Variants in CHERP observed in about 807,000 individuals in gnomAD.
CHERP encodes the protein ERPROT 213-21.
CHERP carries 8 observed loss-of-function variants against 113.8 expected under a neutral mutation model. The observed-to-expected ratio is 0.07, with a 90% CI of 0.04 to 0.13. The LOEUF (loss-of-function observed/expected upper bound fraction) is 0.13. CHERP is among the 10% of genes least tolerant of loss of function. The pLI is 1.00. For missense variants in CHERP, 884 were observed against 1,298.2 expected, an observed-to-expected ratio of 0.68 and a Z score of 4.90; for synonymous variants, 559 against 524.5, an observed-to-expected ratio of 1.07 and a Z score of -0.90.
chr19:16,524,386 C>T (rs1188291341), intron 10 of CHERP, among the ~76,000 whole-genome samples: 1 of 152,100 alleles, frequency 6.6e-6, no homozygotes, highest in Non-Finnish European at 1.5e-5. Context: ...GAAACCCTGT[C>T]TCTACTAAAG....
intron 3 of CHERP, among the ~76,000 whole-genome samples, chr19:16,533,797 A>G (rs1420465543): frequency 6.8e-6 from 1 of 146,036 alleles, no homozygotes; most frequent in Non-Finnish European, 1.5e-5. Context: ...ACAACAACAA[A>G]AAGAAAAGAA....
At chr19:16,536,759 A>G (rs2122283895) in intron 2 of CHERP, among the ~76,000 whole-genome samples, 1 of 152,330 alleles carries the variant, frequency 6.6e-6, no homozygotes, top group East Asian at 1.9e-4. Context: ...GCTCACGCCT[A>G]TAATCCCAGC....
rs368216975 is a variant in CHERP at position 16,523,245 on chromosome 19, G to A, written c.1787C>T (p.Pro596Leu). The A allele has an allele frequency of 1.2e-6, 2 of 1,601,774 alleles. No individual in the cohort carries two copies. The highest frequency in any genetic ancestry group is 1.7e-5 in the Admixed American group (1 of 57,294). Reference sequence around the variant, plus strand: ...CCAAGGCGGGTGCTCGTTGATGCCAGGATGAGGCATGCGGTGGCCAGGGTG... The same window carrying A: ...CCAAGGCGGGTGCTCGTTGATGCCAAGATGAGGCATGCGGTGGCCAGGGTG... ...HHHPGHRMPH[P>L]GINEHPPWAG... The change falls in exon 11 of 17, where the codon CCT (proline) becomes CTT (leucine). Residue 596 changes from proline (P) to leucine (L), a missense_variant. Transcript: ENST00000546361. This position sits in a 1 kb window ranked among gnomAD's most constrained non-coding sequence, Gnocchi z 4.0.
In CHERP at chr19:16,520,274, A is replaced by AT; in HGVS notation, c.2346-10_2346-9insA. On this transcript the variant is annotated splice_polypyrimidine_tract_variant and intron_variant, in intron 14 of 16. Coordinates refer to ENST00000546361, the MANE Select transcript of CHERP (RefSeq NM_006387.6). The surrounding 1 kb of genome is among the most constrained non-coding windows in gnomAD (Gnocchi z 4.0). ...GCGACCTGCTCCGACTTCTGCAGGG[A>AT]AGGGTGCCCAAGGGTCAGCAGCAGC... is the stretch of plus-strand genomic sequence containing the variant. 4 of 1,612,810 alleles carry AT rather than the reference A, an allele frequency of 2.5e-6. No homozygotes were observed. The highest frequency in any genetic ancestry group is 3.4e-6 in the Non-Finnish European group (4 of 1,179,752).
In CHERP at chr19:16,528,270, C is replaced by T. The variant is rs758013344; in HGVS notation, c.1130-15G>A. 1 of 1,556,496 alleles carries T rather than the reference C, an allele frequency of 6.4e-7. No homozygotes were observed. Among genetic ancestry groups the T allele is most frequent in the Non-Finnish European group, 8.7e-7 (1 of 1,152,872 alleles). On this transcript the variant is annotated splice_polypyrimidine_tract_variant and intron_variant, in intron 8 of 16. Coordinates refer to ENST00000546361, the MANE Select transcript of CHERP (RefSeq NM_006387.6). Reference sequence around the variant, plus strand: ...CTTGCTGTCATCTAAATCCAAGTGACAGGCAGTTAGAGCAGGCCTGGCAGC... The same window carrying T: ...CTTGCTGTCATCTAAATCCAAGTGATAGGCAGTTAGAGCAGGCCTGGCAGC...
intron 11 of CHERP, among the ~76,000 whole-genome samples, chr19:16,522,098 C>T (rs2122246172): frequency 6.6e-6 from 1 of 152,254 alleles, no homozygotes; most frequent in South Asian, 2.1e-4. Context: ...CTGTTGAGGC[C>T]CTGCCCTGCC....
chr19:16,518,727 G>T lies in CHERP; in HGVS notation c.*432C>A. On this transcript the variant is annotated 3_prime_UTR_variant, in exon 17 of 17. Transcript: ENST00000546361. ...AAGCCAGGTCAGGGCCGGTGGGTGC[G>T]GGGAGCTGGAGGAAGGAGCTGGGGT... 1 of 204,478 alleles carries T rather than the reference G, an allele frequency of 4.9e-6. No homozygotes were observed. Among genetic ancestry groups the T allele is most frequent in the Non-Finnish European group, 9.8e-6 (1 of 102,552 alleles). The allele number at this position is 204,478 out of a possible 1,614,324, so 12.7% of individuals were successfully genotyped here.
chr19:16,528,339 G>C, intron 8 of CHERP, 84 bp from the exon 9 acceptor site: 2 of 1,372,480 alleles, frequency 1.5e-6, no homozygotes, highest in Non-Finnish European at 9.9e-7. Flanking sequence ...AGCAAACCAG[G>C]CTACCGCTTT....
rs547123748 is a variant in CHERP, at chr19:16,541,656, G to T, written c.199+214C>A. The T allele has an allele frequency of 2.2e-4, 112 of 509,244 alleles. 1 individual carries two copies. The highest frequency in any genetic ancestry group is 1.5e-3 in the Admixed American group (41 of 26,876). 31.5% of individuals were successfully genotyped at this position (509,244 alleles called of 1,614,324 possible). ...AATCCCTGATCCAGAGCCCAGGGGG[G>T]AGGATCGAAAACCTCGTTGTTCTCC... On this transcript the variant is annotated intron_variant, in intron 2 of 16. Coordinates refer to ENST00000546361, the MANE Select transcript of CHERP (RefSeq NM_006387.6).
At position 16,520,526 on chromosome 19, in the gene CHERP, T is replaced by A. The variant is rs745692744; in HGVS notation, c.2202-19A>T. 3.1e-5 allele frequency: 50 copies of A among 1,604,446 alleles called. No individual in the cohort carries two copies. The highest frequency in any genetic ancestry group is 4.1e-5 in the Non-Finnish European group (48 of 1,174,918). Reference sequence around the variant, plus strand: ...GGGTCCGCTGTGGGGAGAGGCCTGATGATCAGGTGCCCCAGTGGATGGGCT... The same window carrying A: ...GGGTCCGCTGTGGGGAGAGGCCTGAAGATCAGGTGCCCCAGTGGATGGGCT... On this transcript the variant is annotated intron_variant, in intron 13 of 16. Coordinates refer to ENST00000546361, the MANE Select transcript of CHERP (RefSeq NM_006387.6). The surrounding 1 kb of genome is among the most constrained non-coding windows in gnomAD (Gnocchi z 4.0).
chr19:16,532,586 G>C lies in CHERP; in HGVS notation c.674+12C>G. Reference sequence around the variant, plus strand: ...GGAAGTGGCGCTCTGGGCACGGGGTGGCGGCGCTCACCAGTGGTGCAGCAC... The same window carrying C: ...GGAAGTGGCGCTCTGGGCACGGGGTCGCGGCGCTCACCAGTGGTGCAGCAC... On this transcript the variant is annotated intron_variant, in intron 5 of 16. Transcript: ENST00000546361. This position sits in a 1 kb window ranked among gnomAD's most constrained non-coding sequence, Gnocchi z 4.4. 1 of 1,587,894 alleles carries C rather than the reference G, an allele frequency of 6.3e-7. No individual in the cohort carries two copies. The highest frequency in any genetic ancestry group is 8.6e-7 in the Non-Finnish European group (1 of 1,167,182).
Position 16,519,658 on chromosome 19 carries a change from T to C in CHERP, c.2520A>G (p.Gly840=). 1 of 1,614,040 alleles carries C rather than the reference T, an allele frequency of 6.2e-7. No individual in the cohort carries two copies. The highest frequency in any genetic ancestry group is 8.5e-7 in the Non-Finnish European group (1 of 1,180,006). ...SAPPIPDSRL[G]EENKGHQMLV... ...GCATCTGATGGCCTTTGTTCTCTTC[T>C]CCGAGCCTTGAGTCAGGGATGGGAG... The change falls in exon 16 of 17, where the codon GGA becomes GGG. Residue 840 remains glycine, a synonymous_variant. Coordinates refer to ENST00000546361, the MANE Select transcript of CHERP (RefSeq NM_006387.6). This position sits in a 1 kb window ranked among gnomAD's most constrained non-coding sequence, Gnocchi z 6.0.
intron 9 of CHERP, among the ~76,000 whole-genome samples, chr19:16,526,739 T>A (rs906634415): frequency 4.0e-5 from 6 of 151,548 alleles, no homozygotes; most frequent in African/African-American, 1.5e-4. Flanking sequence ...AGTGTGGGAT[T>A]ACAGGCGTTA....
intron 3 of CHERP, among the ~76,000 whole-genome samples, chr19:16,534,952 T>C (rs1236031004): frequency 6.6e-6 from 1 of 152,066 alleles, no homozygotes; most frequent in Non-Finnish European, 1.5e-5. Flanking sequence ...GGTGCATGCC[T>C]GTAATCTCAG....
chr19:16,536,806 A>T (rs1475507495), intron 2 of CHERP, among the ~76,000 whole-genome samples: 1 of 152,218 alleles, frequency 6.6e-6, no homozygotes, highest in African/African-American at 2.4e-5. Context: ...ACCTGAGGTC[A>T]GGAGTTCGAG....
chr19:16,533,119 C>T lies in CHERP; in HGVS notation c.414G>A (p.Ala138=), dbSNP rs375627165. ...GAAGCTTCTGCATCTGCTGCTCCAC[C>T]GCGTGGGCCACGGCCGCTGTCACTT... is the stretch of plus-strand genomic sequence containing the variant. ...QEQVTAAVAH[A]VEQQMQKLLE... The change falls in exon 4 of 17, where the codon GCG becomes GCA. Residue 138 remains alanine (A), a synonymous_variant. Transcript: ENST00000546361. 4.2e-5 allele frequency: 66 copies of T among 1,586,848 alleles called. No homozygotes were observed. Among genetic ancestry groups the T allele is most frequent in the East Asian group, 4.1e-4 (18 of 43,900 alleles).
In CHERP at chr19:16,530,169, G is replaced by A. The variant is rs1219877945; in HGVS notation, c.877-269C>T. ...ACGACAGCCGTGTCCTGGCCGCTTCGTGGCTGCTCAGCGAACACTGCCCAC... is the reference window on the plus strand; with the variant it reads ...ACGACAGCCGTGTCCTGGCCGCTTCATGGCTGCTCAGCGAACACTGCCCAC... On this transcript the variant is annotated intron_variant, in intron 7 of 16. Transcript: ENST00000546361. The surrounding 1 kb of genome is among the most constrained non-coding windows in gnomAD (Gnocchi z 4.1). Among the ~76,000 whole-genome samples the A allele has an allele frequency of 1.3e-5, 2 of 152,214 alleles. No homozygotes were observed. Among genetic ancestry groups the A allele is most frequent in the African/African-American group, 4.8e-5 (2 of 41,436 alleles).
intron 2 of CHERP, among the ~76,000 whole-genome samples, chr19:16,538,497 A>G (rs1288070295): frequency 3.9e-5 from 6 of 152,242 alleles, no homozygotes; most frequent in Admixed American, 3.3e-4. Context: ...ATCCTGGCCA[A>G]CATGGTGAAA....
chr19:16,519,055 C>A lies in CHERP; in HGVS notation c.*104G>T. The A allele has an allele frequency of 2.0e-6, 2 of 1,017,854 alleles. No individual in the cohort carries two copies. The highest frequency in any genetic ancestry group is 1.5e-5 in the South Asian group (1 of 67,172). The allele number at this position is 1,017,854 out of a possible 1,614,324, so 63.1% of individuals were successfully genotyped here. ...TCCTGTGGCTCTCCACAAGTGGAGA[C>A]GGTGTAAGAACTGAGCTGTCACTGC... On this transcript the variant is annotated 3_prime_UTR_variant, in exon 17 of 17. Coordinates refer to ENST00000546361, the MANE Select transcript of CHERP (RefSeq NM_006387.6). This position sits in a 1 kb window ranked among gnomAD's most constrained non-coding sequence, Gnocchi z 6.0.
Sources: gnomAD v4.1 joint callset for allele counts (sites outside exome capture counted in the v4.1 genomes callset) on GRCh38, gnomAD v4.1.1 for gene constraint, Gnocchi (gnomAD v3.1) non-coding constraint, MANE v1.5 for transcripts, NCBI Gene and HGNC (gene_info 2026-07-23, HGNC 2026-07-21) for gene names.